Variants in GRIA1 observed in about 807,000 individuals in gnomAD.
GRIA1 encodes the protein glutamate receptor 1.
Under a neutral mutation model 99.2 loss-of-function variants are expected in GRIA1, and 31 were observed. The observed-to-expected ratio is 0.31, with a 90% CI of 0.23 to 0.42. The LOEUF (loss-of-function observed/expected upper bound fraction) is 0.42. GRIA1 is among the 10% of genes least tolerant of loss of function. The pLI is 1.00. For missense variants in GRIA1, 782 were observed against 1,157.5 expected, an observed-to-expected ratio of 0.68 and a Z score of 4.71; for synonymous variants, 438 against 432.4, an observed-to-expected ratio of 1.01 and a Z score of -0.16.
chr5:153,729,503 G>A (rs1305520116), intron 11 of GRIA1, among the ~76,000 whole-genome samples: 1 of 151,846 alleles, frequency 6.6e-6, no homozygotes, highest in Non-Finnish European at 1.5e-5. Flanking sequence ...AGAGTGTGTT[G>A]GGGCAGTTAG....
At position 153,693,649 on chromosome 5, in the gene GRIA1, T is replaced by C. The variant is rs561649046; in HGVS notation, c.1135-4395T>C. Among the ~76,000 whole-genome samples the C allele has an allele frequency of 9.2e-5, 14 of 152,272 alleles. No homozygotes were observed. In the South Asian group the frequency reaches 2.7e-3, roughly 29 times the overall value. ...TCTACATTCAAAGAATCTTTAGAGG[T>C]AGATGGAAAACACGGAGATCAAAAA... On this transcript the variant is annotated intron_variant, in intron 8 of 15. Coordinates refer to ENST00000285900, the MANE Select transcript of GRIA1 (RefSeq NM_000827.4).
intron 2 of GRIA1, among the ~76,000 whole-genome samples, chr5:153,634,577 T>C (rs1199480416): frequency 6.6e-6 from 1 of 151,898 alleles, no homozygotes; most frequent in Non-Finnish European, 1.5e-5. Flanking sequence ...GTGGGAGAGA[T>C]AGGCAGGGCC....
At chr5:153,538,014 G>A (rs550024605) in intron 2 of GRIA1, among the ~76,000 whole-genome samples, 14 of 152,272 alleles carry the variant, frequency 9.2e-5, no homozygotes, top group African/African-American at 2.2e-4. Flanking sequence ...TGAAAGGCAA[G>A]GAGGAGCTGG....
chr5:153,721,538 T>G (rs1471112484), intron 11 of GRIA1, among the ~76,000 whole-genome samples: 1 of 152,122 alleles, frequency 6.6e-6, no homozygotes, highest in African/African-American at 2.4e-5. Context: ...ATGACAGGAG[T>G]AGCCGCTCCC....
intron 2 of GRIA1, among the ~76,000 whole-genome samples, chr5:153,575,197 A>AAGAGAGAGAGAG (rs3064338): frequency 0.017 from 2,568 of 147,720 alleles, 53 homozygotes; most frequent in African/African-American, 0.042. Context: ...TCAAGAGAGA[A>AAGAGAGAGAGAG]AGAGAGAGAG....
At chr5:153,593,730 A>C (rs1457797441) in intron 2 of GRIA1, among the ~76,000 whole-genome samples, 3 of 152,084 alleles carry the variant, frequency 2.0e-5, no homozygotes, top group Non-Finnish European at 2.9e-5. Context: ...TTCCTCTGGG[A>C]GCCCCATTCA....
chr5:153,580,095 A>G (rs539570357), intron 2 of GRIA1, among the ~76,000 whole-genome samples: 29 of 152,298 alleles, frequency 1.9e-4, no homozygotes, highest in African/African-American at 7.0e-4. Flanking sequence ...CTGATGCTTC[A>G]GCTCTCTGTC....
chr5:153,648,846 C>T (rs536868773), intron 3 of GRIA1, among the ~76,000 whole-genome samples: 12 of 152,020 alleles, frequency 7.9e-5, no homozygotes, highest in African/African-American at 2.4e-4. Context: ...ACACCCCCCC[C>T]CAAGATGTTC....
chr5:153,613,057 G>C (rs1002658698), intron 2 of GRIA1, among the ~76,000 whole-genome samples: 3 of 152,226 alleles, frequency 2.0e-5, no homozygotes, highest in African/African-American at 7.2e-5. Context: ...TGGAAGGCTG[G>C]AACCAATTGG....
chr5:153,613,398 C>T (rs192419295), intron 2 of GRIA1, among the ~76,000 whole-genome samples: 36 of 152,222 alleles, frequency 2.4e-4, no homozygotes, highest in African/African-American at 8.4e-4. Context: ...GTTTGGGTTC[C>T]TGCCAAATCA....
chr5:153,736,710 C>T (rs997845996), intron 11 of GRIA1, among the ~76,000 whole-genome samples: 2 of 152,052 alleles, frequency 1.3e-5, no homozygotes, highest in East Asian at 1.9e-4. Flanking sequence ...AGTACAATTC[C>T]CTAGAGTGAA....
At chr5:153,650,885 C>T (rs1754517097) in intron 4 of GRIA1, among the ~76,000 whole-genome samples, 1 of 120,964 alleles carries the variant, frequency 8.3e-6, no homozygotes, top group Non-Finnish European at 1.9e-5. Flanking sequence ...ATGGTGAAAC[C>T]CTGTCTCCAC....
intron 13 of GRIA1, among the ~76,000 whole-genome samples, chr5:153,786,286 C>G (rs1433890539): frequency 6.6e-6 from 1 of 151,936 alleles, no homozygotes; most frequent in Non-Finnish European, 1.5e-5. Flanking sequence ...CTCATCTCCC[C>G]GAAGGTCCCC....
intron 2 of GRIA1, among the ~76,000 whole-genome samples, chr5:153,508,898 C>T (rs1352975574): frequency 6.6e-6 from 1 of 152,102 alleles, no homozygotes; most frequent in Non-Finnish European, 1.5e-5. Context: ...CAGGTCTGCC[C>T]GATGTGTCTT....
chr5:153,610,920 T>A (rs1424496452), intron 2 of GRIA1, among the ~76,000 whole-genome samples: 1 of 152,242 alleles, frequency 6.6e-6, no homozygotes, highest in Non-Finnish European at 1.5e-5. Flanking sequence ...CTGGATTTCT[T>A]ATCTCAGTTC....
At chr5:153,689,181 A>T (rs1757562383) in intron 8 of GRIA1, among the ~76,000 whole-genome samples, 2 of 152,238 alleles carry the variant, frequency 1.3e-5, no homozygotes, top group Admixed American at 1.3e-4. Context: ...AGCATGAGCC[A>T]CTGTCCCCAG....
At chr5:153,491,045 C>A (rs1753866714) in intron 1 of GRIA1, 75 bp downstream of exon 1, 2 of 1,346,168 alleles carry the variant, frequency 1.5e-6, no homozygotes, top group Non-Finnish European at 2.1e-6. Context: ...GGGTTGTGTA[C>A]CCCCTCCCCG....
At chr5:153,608,691 T>C (rs11951770) in intron 2 of GRIA1, among the ~76,000 whole-genome samples, 121 of 152,358 alleles carry the variant, frequency 7.9e-4, no homozygotes, top group African/African-American at 2.8e-3. Flanking sequence ...TTTATGTCTG[T>C]AATGTCTGAT....
At chr5:153,612,466 T>G (rs1766078477) in intron 2 of GRIA1, among the ~76,000 whole-genome samples, 1 of 152,212 alleles carries the variant, frequency 6.6e-6, no homozygotes, top group African/African-American at 2.4e-5. Flanking sequence ...CTCTGTTTCC[T>G]CATGTATACA....
Sources: gnomAD v4.1 joint callset for allele counts (sites outside exome capture counted in the v4.1 genomes callset) on GRCh38, gnomAD v4.1.1 for gene constraint, MANE v1.5 for transcripts, NCBI Gene and HGNC (gene_info 2026-07-23, HGNC 2026-07-21) for gene names.